UBE2K: variants seen among roughly 807,000 people sequenced by gnomAD.
UBE2K encodes ubiquitin conjugating enzyme E2 K, also known as ubiquitin-conjugating enzyme E2 K.
A neutral mutation model predicts 30.0 loss-of-function variants in UBE2K; 6 were observed. That is an observed-to-expected ratio of 0.20 (90% confidence interval 0.11 to 0.39). The LOEUF is 0.39. UBE2K is among the 10% of genes least tolerant of loss of function. UBE2K has a pLI of 1.00. For missense variants in UBE2K, 61 were observed against 241.6 expected (o/e 0.25, Z 4.96); for synonymous variants, 86 against 83.7 (o/e 1.03, Z -0.15).
intron 2 of UBE2K, among the ~76,000 whole-genome samples, chr4:39,740,647 G>A (rs191357407): frequency 1.3e-5 from 2 of 151,598 alleles, no homozygotes; most frequent in Non-Finnish European, 1.5e-5. Flanking sequence ...CAGATCACGA[G>A]GTCAGGAGAT....
intron 4 of UBE2K, among the ~76,000 whole-genome samples, chr4:39,767,299 G>GTTTT (rs71194918): frequency 0.14 from 19,766 of 139,540 alleles, 2,279 homozygotes; most frequent in African/African-American, 0.34. Flanking sequence ...CTTTTTTTCT[G>GTTTT]TTTTTTTTTT....
intron 4 of UBE2K, among the ~76,000 whole-genome samples, chr4:39,767,459 G>A (rs1712420715): frequency 6.6e-6 from 1 of 151,942 alleles, no homozygotes; most frequent in African/African-American, 2.4e-5. Flanking sequence ...GAGTAGCTGG[G>A]ACTACAGGCG....
rs1179422609 is a variant in UBE2K, at chr4:39,714,529, TATATATATATATA to T, written c.63+16140_63+16152del. On this transcript the variant is annotated intron_variant, in intron 1 of 6. Transcript: ENST00000261427. ...CTTTTAGAAGTTTCATATATATATA[TATATATATATATA>T]TATATATATTTTTTTTTTTTTTTAA... 2.3e-4 allele frequency: 7 copies of T among 29,938 alleles called. No individual in the cohort carries two copies. The East Asian group carries it at 8.7e-3, about 37-fold the overall frequency. The allele number at this position is 29,938 out of a possible 1,614,324, so 1.9% of individuals were successfully genotyped here.
intron 1 of UBE2K, among the ~76,000 whole-genome samples, chr4:39,729,931 T>A (rs1719979275): frequency 6.6e-6 from 1 of 152,256 alleles, no homozygotes; most frequent in African/African-American, 2.4e-5. Context: ...ACTTTCTAGA[T>A]TTTCTGTCTG....
At chr4:39,712,343 A>G (rs1160692022) in intron 1 of UBE2K, among the ~76,000 whole-genome samples, 1 of 131,752 alleles carries the variant, frequency 7.6e-6, no homozygotes, top group African/African-American at 2.9e-5. Context: ...CTGGGACCAC[A>G]GGCACCCGCC....
At chr4:39,741,439 A>C (rs1331004394) in intron 2 of UBE2K, among the ~76,000 whole-genome samples, 1 of 152,344 alleles carries the variant, frequency 6.6e-6, no homozygotes, top group East Asian at 1.9e-4. Context: ...CCATTCAAGG[A>C]CATAAACTTT....
chr4:39,752,483 C>T (rs967684313), intron 3 of UBE2K, among the ~76,000 whole-genome samples: 2 of 151,832 alleles, frequency 1.3e-5, no homozygotes, highest in Non-Finnish European at 2.9e-5. Context: ...ACTACAGGCG[C>T]CCGCCACCGC....
chr4:39,723,285 C>T (rs1306588684), intron 1 of UBE2K, among the ~76,000 whole-genome samples: 2 of 151,468 alleles, frequency 1.3e-5, no homozygotes, highest in Admixed American at 6.6e-5. Context: ...TCAAGCAATC[C>T]ACCTGCCTCG....
chr4:39,707,361 C>G (rs1718425080), intron 1 of UBE2K, among the ~76,000 whole-genome samples: 1 of 151,870 alleles, frequency 6.6e-6, no homozygotes, highest in Admixed American at 6.6e-5. Context: ...CGCATGCCAC[C>G]ATACCCAGCT....
At chr4:39,759,771 A>T (rs769461432) in intron 4 of UBE2K, among the ~76,000 whole-genome samples, 1 of 152,208 alleles carries the variant, frequency 6.6e-6, no homozygotes, top group Non-Finnish European at 1.5e-5. Flanking sequence ...TGCCTGGTCG[A>T]TAAGGTATGC....
At chr4:39,775,060 T>C (rs987330509) in intron 5 of UBE2K, 127 bp downstream of exon 5, 5 of 504,496 alleles carry the variant, frequency 9.9e-6, no homozygotes, top group Non-Finnish European at 1.7e-5. Flanking sequence ...TTCTTTCTTG[T>C]GGTAGGATTA....
chr4:39,709,145 C>G (rs1421220363), intron 1 of UBE2K, among the ~76,000 whole-genome samples: 1 of 151,796 alleles, frequency 6.6e-6, no homozygotes, highest in African/African-American at 2.4e-5. Flanking sequence ...TTAGGAGAGT[C>G]CTTGCGGTGC....
chr4:39,724,528 C>T (rs528680590), intron 1 of UBE2K, among the ~76,000 whole-genome samples: 1 of 136,384 alleles, frequency 7.3e-6, no homozygotes, highest in South Asian at 2.3e-4. Flanking sequence ...AGGTGGATTG[C>T]CTGAGTTCAG....
chr4:39,735,335 G>A (rs183997422), intron 1 of UBE2K, among the ~76,000 whole-genome samples: 60 of 152,208 alleles, frequency 3.9e-4, no homozygotes, highest in African/African-American at 1.3e-3. Flanking sequence ...TCAGCTTCCC[G>A]AGTAGCAGGA....
intron 1 of UBE2K, among the ~76,000 whole-genome samples, chr4:39,720,948 T>C (rs1034394023): frequency 2.6e-5 from 4 of 152,186 alleles, no homozygotes; most frequent in African/African-American, 7.2e-5. Flanking sequence ...AGTTTTGCCA[T>C]GTTACCCAGG....
intron 1 of UBE2K, among the ~76,000 whole-genome samples, chr4:39,704,869 C>A (rs1003203625): frequency 1.6e-5 from 2 of 121,348 alleles, no homozygotes; most frequent in Admixed American, 8.5e-5. Flanking sequence ...GACTATACAC[C>A]TTTTTTTTTT....
At chr4:39,710,613 A>G (rs192523508) in intron 1 of UBE2K, among the ~76,000 whole-genome samples, 7 of 152,164 alleles carry the variant, frequency 4.6e-5, no homozygotes, top group African/African-American at 1.7e-4. Context: ...GATTGATAGT[A>G]TTCTTGTTTC....
intron 1 of UBE2K, among the ~76,000 whole-genome samples, chr4:39,707,415 G>C (rs1025860839): frequency 6.6e-6 from 1 of 151,822 alleles, no homozygotes; most frequent in Admixed American, 6.6e-5. Flanking sequence ...AGCCAGGCTG[G>C]TCTCGAACTT....
chr4:39,774,526 T>G (rs188738653), intron 4 of UBE2K, among the ~76,000 whole-genome samples: 1 of 151,086 alleles, frequency 6.6e-6, no homozygotes, highest in African/African-American at 2.4e-5. Flanking sequence ...GGCAGGAGAA[T>G]GGCGTGAACC....
Sources: allele counts gnomAD v4.1 joint callset (sites outside exome capture counted in the v4.1 genomes callset), GRCh38; gene constraint gnomAD v4.1.1; transcripts MANE v1.5; gene names NCBI Gene and HGNC (gene_info 2026-07-23, HGNC 2026-07-21).